The following GALNTL6 variants were observed in gnomAD, a reference collection of about 807,000 sequenced individuals.
GALNTL6 encodes the protein polypeptide N-acetylgalactosaminyltransferase like 6.
GALNTL6 carries 46 observed loss-of-function variants against 73.7 expected under a neutral mutation model. The observed-to-expected ratio is 0.62, with a 90% CI of 0.49 to 0.80. GALNTL6 has a LOEUF of 0.80. Among genes scored for constraint, GALNTL6 ranks in the 30% least tolerant of loss-of-function variants. The probability of loss-of-function intolerance (pLI) is 0.00; values close to 1 mark genes in which losing one functional copy is unlikely to be tolerated. For synonymous variants in GALNTL6, 259 were observed against 263.7 expected, an observed-to-expected ratio of 0.98 and a Z score of 0.17; for missense variants, 604 against 755.0, an observed-to-expected ratio of 0.80 and a Z score of 2.34.
At chr4:172,627,951 A>G (rs1739232971) in intron 5 of GALNTL6, among the ~76,000 whole-genome samples, 1 of 149,540 alleles carries the variant, frequency 6.7e-6, no homozygotes, top group Non-Finnish European at 1.5e-5. Context: ...AAAAAAAACT[A>G]CTTTTGGTTT....
intron 5 of GALNTL6, among the ~76,000 whole-genome samples, chr4:172,448,528 G>A (rs939496286): frequency 6.6e-5 from 10 of 152,100 alleles, no homozygotes; most frequent in African/African-American, 2.4e-4. Flanking sequence ...TATAAAGCAG[G>A]CTTATTTAAA....
chr4:172,239,145 C>T (rs1358276786), intron 3 of GALNTL6, among the ~76,000 whole-genome samples: 1 of 152,100 alleles, frequency 6.6e-6, no homozygotes, highest in Non-Finnish European at 1.5e-5. Context: ...CTCTCCTACT[C>T]AACTTTTTGG....
At chr4:172,866,913 T>A (rs1396046498) in intron 7 of GALNTL6, among the ~76,000 whole-genome samples, 1 of 152,206 alleles carries the variant, frequency 6.6e-6, no homozygotes, top group Non-Finnish European at 1.5e-5. Context: ...GTGTCAGTCC[T>A]ATGGCAAATG....
intron 11 of GALNTL6, among the ~76,000 whole-genome samples, chr4:173,020,726 T>C (rs921955324): frequency 6.6e-6 from 1 of 152,314 alleles, no homozygotes; most frequent in Admixed American, 6.5e-5. Flanking sequence ...GGGCAAACTG[T>C]GTAGGATTTG....
At chr4:172,401,097 T>C (rs1190333023) in intron 5 of GALNTL6, among the ~76,000 whole-genome samples, 1 of 152,144 alleles carries the variant, frequency 6.6e-6, no homozygotes, top group Non-Finnish European at 1.5e-5. Context: ...TCTCTTCTCC[T>C]TTTGCAAAGT....
At chr4:172,973,149 C>T (rs1402678858) in intron 10 of GALNTL6, among the ~76,000 whole-genome samples, 2 of 152,046 alleles carry the variant, frequency 1.3e-5, no homozygotes, top group African/African-American at 4.8e-5. Context: ...AGAAATGGTC[C>T]TCATTAGATA....
chr4:172,676,584 T>C (rs1396132528), intron 5 of GALNTL6, among the ~76,000 whole-genome samples: 1 of 152,176 alleles, frequency 6.6e-6, no homozygotes, highest in East Asian at 1.9e-4. Flanking sequence ...CGCTTTCTTA[T>C]ACAAAACACA....
At chr4:172,346,701 C>G (rs1447092855) in intron 4 of GALNTL6, among the ~76,000 whole-genome samples, 3 of 152,144 alleles carry the variant, frequency 2.0e-5, no homozygotes, top group Non-Finnish European at 4.4e-5. Context: ...ATTGTTTTAT[C>G]TCAACTTTGG....
intron 11 of GALNTL6, among the ~76,000 whole-genome samples, chr4:173,019,195 C>G (rs1752894505): frequency 6.6e-6 from 1 of 152,092 alleles, no homozygotes; most frequent in Non-Finnish European, 1.5e-5. Flanking sequence ...AATAGAGGGG[C>G]AGGAACAAGG....
intron 5 of GALNTL6, among the ~76,000 whole-genome samples, chr4:172,431,500 A>G (rs335974): frequency 6.6e-6 from 1 of 152,140 alleles, no homozygotes; most frequent in Non-Finnish European, 1.5e-5. Flanking sequence ...GCATATATGT[A>G]TGTGTATATT....
At position 172,504,175 on chromosome 4, in the gene GALNTL6, A is replaced by AAAAAAAAAAAAAAAAAAAAAAAAAAC. The variant is rs1363544210; in HGVS notation, c.553+155490_553+155491insAAAAAAAAAAAAAAAAAAAAACAAAA. 1.8e-4 allele frequency among the ~76,000 whole-genome samples: 7 copies of AAAAAAAAAAAAAAAAAAAAAAAAAAC among 39,316 alleles called. 3 individuals carry two copies. The highest frequency in any genetic ancestry group is 5.4e-4 in the African/African-American group (7 of 13,018). The allele number at this position is 39,316 out of a possible 152,430, so 25.8% of individuals were successfully genotyped here. ...ACTCTGTCTCAAAAAAAAAAAAAAA[A>AAAAAAAAAAAAAAAAAAAAAAAAAAC]AAAACTCACACCTTGTTGATATTGG... On this transcript the variant is annotated intron_variant, in intron 5 of 12. Coordinates refer to ENST00000506823, the MANE Select transcript of GALNTL6 (RefSeq NM_001034845.3).
chr4:172,902,485 T>G (rs1053978116), intron 8 of GALNTL6, among the ~76,000 whole-genome samples: 2 of 152,128 alleles, frequency 1.3e-5, no homozygotes, highest in Non-Finnish European at 2.9e-5. Flanking sequence ...CACTGCCCTT[T>G]TCCATCCCCA....
intron 5 of GALNTL6, among the ~76,000 whole-genome samples, chr4:172,759,671 C>T (rs1423033504): frequency 6.6e-6 from 1 of 152,162 alleles, no homozygotes; most frequent in Non-Finnish European, 1.5e-5. Context: ...TATGCTGTCT[C>T]CCATGCCAGT....
chr4:172,389,704 A>G (rs114965317), intron 5 of GALNTL6, among the ~76,000 whole-genome samples: 1,828 of 152,246 alleles, frequency 0.012, 22 homozygotes, highest in Middle Eastern at 0.031. Context: ...CTTAATCAAT[A>G]AAAGAAAGTA....
intron 4 of GALNTL6, among the ~76,000 whole-genome samples, chr4:172,329,597 C>T (rs999150732): frequency 2.0e-5 from 3 of 152,152 alleles, no homozygotes; most frequent in African/African-American, 7.2e-5. Context: ...AGAGATCCCA[C>T]CCAGTGAGGA....
chr4:172,429,243 G>A (rs183756701), intron 5 of GALNTL6, among the ~76,000 whole-genome samples: 5 of 66,318 alleles, frequency 7.5e-5, no homozygotes, highest in South Asian at 5.4e-4. Flanking sequence ...ACTGAGTCTC[G>A]CACTGTCTCC....
At chr4:172,295,745 A>G (rs1340395725) in intron 3 of GALNTL6, among the ~76,000 whole-genome samples, 9 of 151,554 alleles carry the variant, frequency 5.9e-5, no homozygotes. Context: ...ACACACACAC[A>G]GGTCTACCCA....
At chr4:172,974,403 A>G (rs1750718606) in intron 10 of GALNTL6, among the ~76,000 whole-genome samples, 1 of 152,186 alleles carries the variant, frequency 6.6e-6, no homozygotes, top group Non-Finnish European at 1.5e-5. Flanking sequence ...CTTTCTCACC[A>G]ATAAATAAAA....
chr4:173,019,028 G>GT (rs1465518155), intron 11 of GALNTL6, among the ~76,000 whole-genome samples: 2 of 152,178 alleles, frequency 1.3e-5, no homozygotes, highest in African/African-American at 4.8e-5. Flanking sequence ...GAGAGCAATG[G>GT]TTGTGGGCAT....
Sources: allele counts gnomAD v4.1 joint callset (sites outside exome capture counted in the v4.1 genomes callset), GRCh38; gene constraint gnomAD v4.1.1; transcripts MANE v1.5; gene names NCBI Gene and HGNC (gene_info 2026-07-23, HGNC 2026-07-21).